BPGM: variants seen among roughly 807,000 people sequenced by gnomAD.
BPGM encodes the protein bisphosphoglycerate mutase.
In BPGM, 15 loss-of-function variants were observed where a neutral mutation model predicts 21.6. That is an observed-to-expected ratio of 0.70 (90% CI 0.47 to 1.07). The LOEUF is 1.07. Among genes scored for constraint, BPGM ranks in the 50% least tolerant of loss-of-function variants. The probability of loss-of-function intolerance (pLI) is 0.00; values close to 1 mark genes in which losing one functional copy is unlikely to be tolerated. For missense variants in BPGM, 273 were observed against 319.0 expected, an observed-to-expected ratio of 0.86 and a Z score of 1.10; for synonymous variants, 113 against 116.2, an observed-to-expected ratio of 0.97 and a Z score of 0.18.
chr7:134,655,207 G>T (rs943404476), intron 1 of BPGM, among the ~76,000 whole-genome samples: 2 of 152,168 alleles, frequency 1.3e-5, no homozygotes, highest in Admixed American at 1.3e-4. Flanking sequence ...TTTAATTTGG[G>T]ATGGGGAGTA....
intron 2 of BPGM, among the ~76,000 whole-genome samples, chr7:134,666,110 C>T (rs985754125): frequency 1.3e-5 from 2 of 151,984 alleles, no homozygotes; most frequent in Non-Finnish European, 2.9e-5. Context: ...GAACTCCTGG[C>T]CTCAAGCGAT....
chr7:134,668,879 C>G lies in BPGM; in HGVS notation c.601+6771C>G, dbSNP rs116206965. Among the ~76,000 whole-genome samples, 778 of 112,210 alleles carry G rather than the reference C, an allele frequency of 6.9e-3. 4 individuals carry two copies. Among genetic ancestry groups the G allele is most frequent in the African/African-American group, 0.029 (727 of 25,186 alleles). The allele number at this position is 112,210 out of a possible 152,430, so 73.6% of individuals were successfully genotyped here. A position where few individuals can be genotyped will look rare whatever the true frequency, so the allele number is the denominator to read the frequency against. On this transcript the variant is annotated intron_variant, in intron 2 of 2. Transcript: ENST00000344924. ...ATGTGCCATTTGGGAAAATATAGAA[C>G]TATCGGGAAATAACAGATTGGTGGG...
intron 1 of BPGM, among the ~76,000 whole-genome samples, chr7:134,650,026 C>T (rs1250062449): frequency 3.9e-5 from 6 of 152,160 alleles, no homozygotes; most frequent in South Asian, 2.1e-4. Flanking sequence ...CCCCTGAGAA[C>T]AGTAGTTTCA....
chr7:134,672,073 C>T (rs953623638), intron 2 of BPGM, among the ~76,000 whole-genome samples: 1 of 152,106 alleles, frequency 6.6e-6, no homozygotes, highest in Admixed American at 6.6e-5. Context: ...AGTTATTCCT[C>T]TATGCAGAAA....
At chr7:134,673,123 G>A (rs887756158) in intron 2 of BPGM, among the ~76,000 whole-genome samples, 19 of 152,244 alleles carry the variant, frequency 1.2e-4, no homozygotes, top group African/African-American at 4.6e-4. Flanking sequence ...GCAGTGAGCT[G>A]AGATCGCGCC....
At chr7:134,659,421 T>G (rs1795695586) in intron 1 of BPGM, among the ~76,000 whole-genome samples, 1 of 150,730 alleles carries the variant, frequency 6.6e-6, no homozygotes, top group Non-Finnish European at 1.5e-5. Context: ...GTTCATCACC[T>G]GGTTTCTCAC....
chr7:134,653,415 T>C (rs569931563), intron 1 of BPGM, among the ~76,000 whole-genome samples: 2 of 152,336 alleles, frequency 1.3e-5, no homozygotes, highest in Non-Finnish European at 2.9e-5. Context: ...CAAAAACCTC[T>C]CAGCTAGTGT....
intron 2 of BPGM, among the ~76,000 whole-genome samples, chr7:134,664,452 C>G (rs1795783261): frequency 6.6e-6 from 1 of 152,162 alleles, no homozygotes; most frequent in African/African-American, 2.4e-5. Context: ...TATAAGGCCA[C>G]CAATAATATT....
rs761993924 is a variant in BPGM at position 134,679,241 on chromosome 7, C to T, written c.*210C>T. 1.7e-6 allele frequency: 1 copy of T among 583,604 alleles called. No individual in the cohort carries two copies. Among genetic ancestry groups the T allele is most frequent in the Non-Finnish European group, 3.0e-6 (1 of 334,320 alleles). 36.2% of individuals were successfully genotyped at this position (583,604 alleles called of 1,614,324 possible). On this transcript the variant is annotated 3_prime_UTR_variant, in exon 3 of 3. Coordinates refer to ENST00000344924, the MANE Select transcript of BPGM (RefSeq NM_001724.5). ...ATAGCCTTATGAGTTAGCTTTCTTG[C>T]TAGCCCCCTAGTCGGTCACCAAACT...
At position 134,678,900 on chromosome 7, in the gene BPGM, C is replaced by T; in HGVS notation, c.649C>T (p.Pro217Ser). The change falls in exon 3 of 3, where the codon CCC becomes TCC. Residue 217 changes from proline to serine, a missense_variant. Coordinates refer to ENST00000344924, the MANE Select transcript of BPGM (RefSeq NM_001724.5). ...IINITLPTGV[P>S]ILLELDENLR... is the part of the protein sequence containing the mutation. ...CAACATTACTCTTCCTACTGGAGTC[C>T]CCATTCTTCTGGAATTGGATGAAAA... 1 of 1,614,058 alleles carries T rather than the reference C, an allele frequency of 6.2e-7. No homozygotes were observed.
chr7:134,672,276 TAACACAGACTTAAAGACTTC>T (rs139156161), intron 2 of BPGM, among the ~76,000 whole-genome samples: 110,220 of 151,532 alleles, frequency 0.73, 41,635 homozygotes, highest in East Asian at 0.96. Flanking sequence ...TTAAAGACTT[TAACACAGACTTAAAGACTTC>T]AACACAGACT....
chr7:134,656,316 T>A (rs973534997), intron 1 of BPGM, among the ~76,000 whole-genome samples: 2 of 152,210 alleles, frequency 1.3e-5, no homozygotes, highest in African/African-American at 4.8e-5. Context: ...CATTGAGATA[T>A]GCTTTCATTA....
chr7:134,672,109 A>G (rs541483041), intron 2 of BPGM, among the ~76,000 whole-genome samples: 6 of 152,200 alleles, frequency 3.9e-5, no homozygotes, highest in East Asian at 3.9e-4. Flanking sequence ...TTTCTCCCCA[A>G]TTTTGGCCTT....
chr7:134,648,962 T>C (rs2131410316), intron 1 of BPGM, among the ~76,000 whole-genome samples: 1 of 152,376 alleles, frequency 6.6e-6, no homozygotes, highest in African/African-American at 2.4e-5. Flanking sequence ...GTTCCCAGCT[T>C]CAAGGATATA....
intron 2 of BPGM, among the ~76,000 whole-genome samples, chr7:134,662,982 C>G (rs1258343159): frequency 1.3e-5 from 2 of 152,198 alleles, no homozygotes; most frequent in Non-Finnish European, 2.9e-5. Context: ...TCTCGTTTCC[C>G]TCTCTGCCTC....
rs1795743124 is a variant in BPGM at position 134,661,983 on chromosome 7, A to G, written c.476A>G (p.Lys159Arg). ...LDQLPRSESL[K>R]DVLERLLPYW... ...CAACTGCCACGGTCGGAAAGCTTAA[A>G]GGATGTTCTGGAGAGACTCCTTCCC... Residue 159 changes from lysine (K) to arginine (R), a missense_variant, in exon 2 of 3, where the codon AAG (lysine) becomes AGG (arginine). Lys to Arg is a conservative substitution (Grantham distance 26, BLOSUM62 2). Transcript: ENST00000344924. This position sits in a 1 kb window ranked among gnomAD's most constrained non-coding sequence, Gnocchi z 4.6. 6.2e-7 allele frequency: 1 copy of G among 1,614,192 alleles called. No homozygotes were observed. The highest frequency in any genetic ancestry group is 8.5e-7 in the Non-Finnish European group (1 of 1,180,026).
In BPGM at chr7:134,661,971, C is replaced by T. The variant is rs759610083; in HGVS notation, c.464C>T (p.Ser155Leu). 1.8e-5 allele frequency: 29 copies of T among 1,613,954 alleles called. No individual in the cohort carries two copies. In the South Asian group the frequency reaches 2.9e-4, roughly 16 times the overall value. Reference protein sequence around the residue: ...CDVPLDQLPRSESLKDVLERL... With the variant: ...CDVPLDQLPRLESLKDVLERL... ...GTGCCCTTGGATCAACTGCCACGGT[C>T]GGAAAGCTTAAAGGATGTTCTGGAG... Residue 155 changes from serine (S) to leucine (L), a missense_variant, in exon 2 of 3, where the codon TCG becomes TTG. Transcript: ENST00000344924. The surrounding 1 kb of genome is among the most constrained non-coding windows in gnomAD (Gnocchi z 4.6).
At chr7:134,647,943 A>G (rs966099858) in intron 1 of BPGM, among the ~76,000 whole-genome samples, 1 of 151,810 alleles carries the variant, frequency 6.6e-6, no homozygotes, top group Non-Finnish European at 1.5e-5. Context: ...GATTACAAGC[A>G]TAGGCCACCA....
At chr7:134,651,996 GA>G (rs1795563450) in intron 1 of BPGM, among the ~76,000 whole-genome samples, 2 of 152,176 alleles carry the variant, frequency 1.3e-5, no homozygotes, top group Non-Finnish European at 2.9e-5. Context: ...TTAACAGGAT[GA>G]ATCCTATAGT....
Sources: allele counts gnomAD v4.1 joint callset (sites outside exome capture counted in the v4.1 genomes callset), GRCh38; gene constraint gnomAD v4.1.1; non-coding constraint Gnocchi (gnomAD v3.1); transcripts MANE v1.5; gene names NCBI Gene and HGNC (gene_info 2026-07-23, HGNC 2026-07-21).